Variants in TMPRSS11E observed in about 807,000 individuals in gnomAD.
TMPRSS11E encodes transmembrane protease serine 11E.
In TMPRSS11E, 38 loss-of-function variants were observed where a neutral mutation model predicts 48.1. The ratio of observed to expected loss-of-function variants is 0.79; its 90% CI spans 0.61 to 1.04. The LOEUF (loss-of-function observed/expected upper bound fraction) is 1.04. Ranked by LOEUF, TMPRSS11E falls within the 50% of genes least tolerant of loss-of-function variation. The pLI, the probability that TMPRSS11E is intolerant of heterozygous loss-of-function variation, is 0.00. For synonymous variants in TMPRSS11E, 158 were observed against 171.9 expected, an observed-to-expected ratio of 0.92 and a Z score of 0.63; for missense variants, 530 against 510.8, an observed-to-expected ratio of 1.04 and a Z score of -0.36.
intron 9 of TMPRSS11E, among the ~76,000 whole-genome samples, chr4:68,490,551 T>C: frequency 6.6e-6 from 1 of 152,014 alleles, no homozygotes; most frequent in East Asian, 1.9e-4. Context: ...AGGCCTCTTC[T>C]GATAACACTC....
At chr4:68,455,725 T>C (rs1290695935) in intron 1 of TMPRSS11E, among the ~76,000 whole-genome samples, 4 of 152,012 alleles carry the variant, frequency 2.6e-5, no homozygotes, top group African/African-American at 9.7e-5. Context: ...ATTCTTATTT[T>C]TCTTCCACAT....
At chr4:68,458,303 A>G (rs1454082812) in intron 1 of TMPRSS11E, among the ~76,000 whole-genome samples, 3 of 152,290 alleles carry the variant, frequency 2.0e-5, no homozygotes, top group African/African-American at 7.2e-5. Context: ...AGCAATAATA[A>G]TAATGCAGCC....
rs371949060 is a variant in TMPRSS11E, at chr4:68,477,637, C to T, written c.967+9C>T. 8.3e-5 allele frequency: 133 copies of T among 1,609,128 alleles called. 2 individuals carry two copies. Among genetic ancestry groups the T allele is most frequent in the South Asian group, 7.3e-4 (66 of 90,100 alleles). On this transcript the variant is annotated intron_variant, in intron 8 of 9. Coordinates refer to ENST00000305363, the MANE Select transcript of TMPRSS11E (RefSeq NM_014058.4). ...AGCACTGAAAAATGATGGTGAGCATCGGAAGAGGAACTCAAGTAAAAGTTA... is the reference window on the plus strand; with the variant it reads ...AGCACTGAAAAATGATGGTGAGCATTGGAAGAGGAACTCAAGTAAAAGTTA...
chr4:68,478,147 A>ATTTTTTTTTT (rs879193345), intron 8 of TMPRSS11E, among the ~76,000 whole-genome samples: 2 of 90,530 alleles, frequency 2.2e-5, no homozygotes. Flanking sequence ...CTGTATCACT[A>ATTTTTTTTTT]TCTTTTTTTT....
chr4:68,474,641 C>A, intron 5 of TMPRSS11E, 82 bp from the exon 6 acceptor site: 1 of 1,274,868 alleles, frequency 7.8e-7, no homozygotes, highest in Non-Finnish European at 1.1e-6. Flanking sequence ...TAAAATTAAG[C>A]AGCCTTTTAG....
intron 9 of TMPRSS11E, among the ~76,000 whole-genome samples, chr4:68,482,197 A>T (rs1305046423): frequency 3.3e-5 from 5 of 151,506 alleles, no homozygotes; most frequent in Non-Finnish European, 7.4e-5. Context: ...AAACAATCCG[A>T]TCTCACAAGA....
chr4:68,449,953 G>A (rs35998156), intron 1 of TMPRSS11E, among the ~76,000 whole-genome samples: 35,870 of 151,630 alleles, frequency 0.24, 4,584 homozygotes, highest in Middle Eastern at 0.31. Flanking sequence ...TGAGGGGGGA[G>A]AACATAGACA....
intron 3 of TMPRSS11E, among the ~76,000 whole-genome samples, chr4:68,467,504 T>C (rs1560551031): frequency 1.3e-5 from 2 of 152,172 alleles, no homozygotes; most frequent in East Asian, 1.9e-4. Context: ...AACTGGGAGC[T>C]GGGAGGCACA....
chr4:68,459,273 T>C (rs1325223375), intron 1 of TMPRSS11E, among the ~76,000 whole-genome samples: 2 of 152,108 alleles, frequency 1.3e-5, no homozygotes, highest in Non-Finnish European at 2.9e-5. Flanking sequence ...ACTGCAGTGA[T>C]GTAAATTCCA....
At chr4:68,488,608 G>T (rs1371407946) in intron 9 of TMPRSS11E, among the ~76,000 whole-genome samples, 1 of 151,902 alleles carries the variant, frequency 6.6e-6, no homozygotes, top group East Asian at 1.9e-4. Flanking sequence ...GCAAGATATC[G>T]GCTCACTGCA....
At chr4:68,471,969 G>A (rs1349950874) in intron 5 of TMPRSS11E, among the ~76,000 whole-genome samples, 1 of 151,856 alleles carries the variant, frequency 6.6e-6, no homozygotes, top group African/African-American at 2.4e-5. Context: ...TATATGGAAA[G>A]GTTCATGCCA....
chr4:68,454,347 T>A (rs560092445), intron 1 of TMPRSS11E, among the ~76,000 whole-genome samples: 1 of 152,066 alleles, frequency 6.6e-6, no homozygotes, highest in East Asian at 1.9e-4. Flanking sequence ...TTTCTTATAA[T>A]TTTTATGGTA....
rs1370623258 is a variant in TMPRSS11E at position 68,471,633 on chromosome 4, T to C, written c.490+10T>C. ...TCAGTTAAAATTAAAAGTAAGTTAA[T>C]TTCTCTTATTTTTCTTTCATAGAAC... On this transcript the variant is annotated intron_variant, in intron 5 of 9. Coordinates refer to ENST00000305363, the MANE Select transcript of TMPRSS11E (RefSeq NM_014058.4). 6.4e-7 allele frequency: 1 copy of C among 1,554,478 alleles called. No individual in the cohort carries two copies. Among genetic ancestry groups the C allele is most frequent in the Non-Finnish European group, 8.7e-7 (1 of 1,154,846 alleles).
At chr4:68,469,777 A>G (rs1013896954) in intron 4 of TMPRSS11E, among the ~76,000 whole-genome samples, 2 of 151,938 alleles carry the variant, frequency 1.3e-5, no homozygotes, top group Non-Finnish European at 2.9e-5. Context: ...TCTGATTTCT[A>G]TAACTATATA....
In TMPRSS11E at chr4:68,477,542, A is replaced by G. The variant is rs1361132548; in HGVS notation, c.881A>G (p.His294Arg). The G allele has an allele frequency of 1.2e-6, 2 of 1,614,136 alleles. No homozygotes were observed. Among genetic ancestry groups the G allele is most frequent in the Non-Finnish European group, 8.5e-7 (1 of 1,179,990 alleles). ...CCTGTTCCCTACACAAATGCAGTAC[A>G]TAGAGTTTGTCTCCCTGATGCATCC... Reference protein sequence around the residue: ...SSPVPYTNAVHRVCLPDASYE... With the variant: ...SSPVPYTNAVRRVCLPDASYE... The change falls in exon 8 of 10, where the codon CAT (histidine) becomes CGT (arginine). Residue 294 changes from histidine (H) to arginine (R), a missense_variant. Transcript: ENST00000305363.
intron 9 of TMPRSS11E, among the ~76,000 whole-genome samples, chr4:68,481,701 G>T (rs1242413968): frequency 6.6e-6 from 1 of 152,140 alleles, no homozygotes; most frequent in Non-Finnish European, 1.5e-5. Context: ...GGTAATCTCA[G>T]CACTTTGGGA....
At chr4:68,482,652 G>C (rs893843101) in intron 9 of TMPRSS11E, among the ~76,000 whole-genome samples, 11 of 145,514 alleles carry the variant, frequency 7.6e-5, no homozygotes, top group Non-Finnish European at 1.5e-4. Context: ...TATGCCTATA[G>C]TTCCAGCTGT....
chr4:68,485,569 T>G (rs1729530374), intron 9 of TMPRSS11E, among the ~76,000 whole-genome samples: 1 of 152,208 alleles, frequency 6.6e-6, no homozygotes, highest in Non-Finnish European at 1.5e-5. Flanking sequence ...TGTTGAGGAT[T>G]TTTGCATCAA....
At chr4:68,461,688 G>GGTGT in intron 1 of TMPRSS11E, 133 bp from the exon 2 acceptor site, 1 of 1,370,966 alleles carries the variant, frequency 7.3e-7, no homozygotes, top group South Asian at 1.4e-5. Context: ...CTGGAACCAG[G>GGTGT]GTGTGCTCTA....
Sources: gnomAD v4.1 joint callset for allele counts (sites outside exome capture counted in the v4.1 genomes callset) on GRCh38, gnomAD v4.1.1 for gene constraint, MANE v1.5 for transcripts, NCBI Gene and HGNC (gene_info 2026-07-23, HGNC 2026-07-21) for gene names.